Variants in FBLN7 observed in about 807,000 individuals in gnomAD.
FBLN7 encodes fibulin-7.
FBLN7 carries 31 observed loss-of-function variants against 44.0 expected under a neutral mutation model. The ratio of observed to expected loss-of-function variants is 0.70; its 90% CI spans 0.53 to 0.95. The LOEUF (loss-of-function observed/expected upper bound fraction) is 0.95, where lower values mean the gene tolerates loss of function less well. FBLN7 is among the 40% of genes least tolerant of loss of function. FBLN7 has a pLI of 0.00. For synonymous variants in FBLN7, 262 were observed against 253.4 expected, an observed-to-expected ratio of 1.03 and a Z score of -0.32; for missense variants, 573 against 618.5, an observed-to-expected ratio of 0.93 and a Z score of 0.78.
At chr2:112,242,786 C>G in the FBLN7 span, among the ~76,000 whole-genome samples, 1 of 152,174 alleles carries the variant, frequency 6.6e-6, no homozygotes, top group Non-Finnish European at 1.5e-5. Flanking sequence ...CAGCTCTCTT[C>G]TGATTAAAAT....
chr2:112,149,465 G>A (rs1240183555), intron 1 of FBLN7, among the ~76,000 whole-genome samples: 1 of 152,136 alleles, frequency 6.6e-6, no homozygotes, highest in Admixed American at 6.5e-5. Flanking sequence ...TTCCCTTTGG[G>A]TACCAGCCCT....
the FBLN7 span, among the ~76,000 whole-genome samples, chr2:112,241,009 T>TG: frequency 6.9e-6 from 1 of 145,468 alleles, no homozygotes; most frequent in Non-Finnish European, 1.5e-5. Flanking sequence ...GTGTTGTGTT[T>TG]TGTGTGTGTG....
the FBLN7 span, among the ~76,000 whole-genome samples, chr2:112,194,723 G>A: frequency 5.3e-5 from 8 of 152,204 alleles, no homozygotes; most frequent in Admixed American, 1.3e-4. Flanking sequence ...TCCTGTTTGG[G>A]TTTCCAGTGC....
chr2:112,231,226 C>T, the FBLN7 span, among the ~76,000 whole-genome samples: 1 of 152,110 alleles, frequency 6.6e-6, no homozygotes, highest in Non-Finnish European at 1.5e-5. Flanking sequence ...TAAACAAGCA[C>T]CTTTGACTTT....
At chr2:112,170,047 C>T (rs973026478) in intron 3 of FBLN7, among the ~76,000 whole-genome samples, 1 of 152,072 alleles carries the variant, frequency 6.6e-6, no homozygotes, top group Non-Finnish European at 1.5e-5. Flanking sequence ...TCGAGACTAG[C>T]CTGGCCAACA....
chr2:112,195,968 C>A, the FBLN7 span, among the ~76,000 whole-genome samples: 1 of 152,296 alleles, frequency 6.6e-6, no homozygotes, highest in Non-Finnish European at 1.5e-5. Flanking sequence ...GTCACTGAGA[C>A]CAGTGGTGGC....
At chr2:112,229,141 T>C in the FBLN7 span, among the ~76,000 whole-genome samples, 1 of 152,146 alleles carries the variant, frequency 6.6e-6, no homozygotes. Context: ...AGATCTTCAC[T>C]TGATGGAAAC....
At chr2:112,171,360 G>A (rs751293456) in intron 3 of FBLN7, among the ~76,000 whole-genome samples, 32 of 152,072 alleles carry the variant, frequency 2.1e-4, no homozygotes, top group African/African-American at 4.6e-4. Context: ...AGGAGGGGCC[G>A]GGAGAGGCAG....
chr2:112,160,652 GCACACGCGCA>G (rs1558879461), intron 2 of FBLN7, among the ~76,000 whole-genome samples: 7 of 5,410 alleles, frequency 1.3e-3, no homozygotes, highest in African/African-American at 4.7e-3. Context: ...ACACGCGCAC[GCACACGCGCA>G]CGCACACGCA....
At chr2:112,234,996 A>C in the FBLN7 span, among the ~76,000 whole-genome samples, 3 of 152,158 alleles carry the variant, frequency 2.0e-5, no homozygotes, top group African/African-American at 4.8e-5. Flanking sequence ...TAACACACGC[A>C]ACTAGAAATA....
At chr2:112,190,620 GTCTT>G (rs1275202256), downstream of FBLN7, 1 of 152,182 alleles carries the variant, frequency 6.6e-6, no homozygotes, top group African/African-American at 2.4e-5. Flanking sequence ...TACAGCTACT[GTCTT>G]TGTTTTTGCT....
At chr2:112,158,870 C>T (rs928431965) in intron 1 of FBLN7, among the ~76,000 whole-genome samples, 11 of 152,170 alleles carry the variant, frequency 7.2e-5, no homozygotes, top group Non-Finnish European at 1.6e-4. Context: ...CCACCGTACC[C>T]GGCCAGGAAA....
At chr2:112,189,738 G>A (rs962598196), downstream of FBLN7, 5 of 152,078 alleles carry the variant, frequency 3.3e-5, no homozygotes, top group Admixed American at 2.6e-4. Flanking sequence ...ATGAACACAT[G>A]GCCAACTTGT....
intron 2 of FBLN7, 92 bp from the exon 3 acceptor site, chr2:112,164,909 G>A (rs1298225895): frequency 2.2e-6 from 3 of 1,387,278 alleles, no homozygotes; most frequent in Non-Finnish European, 3.0e-6. Context: ...GCAACAGAGG[G>A]CACTTCGAGA....
chr2:112,178,221 C>T (rs1250622248), intron 4 of FBLN7, among the ~76,000 whole-genome samples: 3 of 113,110 alleles, frequency 2.7e-5, no homozygotes, highest in African/African-American at 9.7e-5. Context: ...TGGCAAAAAC[C>T]AAAAATGTGA....
chr2:112,156,407 G>T (rs1558875587), intron 1 of FBLN7, among the ~76,000 whole-genome samples: 1 of 152,216 alleles, frequency 6.6e-6, no homozygotes, highest in Non-Finnish European at 1.5e-5. Flanking sequence ...TCTCCACGGG[G>T]TTGCTGCCGG....
Position 112,187,290 on chromosome 2 carries a change from C to G in FBLN7, c.1104C>G (p.Pro368=). 2 of 1,614,170 alleles carry G rather than the reference C, an allele frequency of 1.2e-6. No homozygotes were observed. Among genetic ancestry groups the G allele is most frequent in the East Asian group, 4.5e-5 (2 of 44,888 alleles). The change falls in exon 8 of 8, where the codon CCC becomes CCG. Residue 368 remains proline (P), a synonymous_variant. Coordinates refer to ENST00000331203, the MANE Select transcript of FBLN7 (RefSeq NM_153214.3). The surrounding 1 kb of genome is among the most constrained non-coding windows in gnomAD (Gnocchi z 5.1). ...ATASAPGRAG[P]NSLRFGIVGG... ...CCTCTGCCCCCGGCCGAGCTGGGCC[C>G]AACAGCCTGCGGTTTGGGATCGTGG...
chr2:112,239,231 A>C, the FBLN7 span, among the ~76,000 whole-genome samples: 2 of 152,252 alleles, frequency 1.3e-5, no homozygotes, highest in East Asian at 3.8e-4. Flanking sequence ...GACTTAAAGC[A>C]ATTTCTGCAT....
At chr2:112,238,399 G>A in the FBLN7 span, 2 of 1,613,688 alleles carry the variant, frequency 1.2e-6, no homozygotes, top group South Asian at 1.1e-5. Context: ...TGTATGTACT[G>A]TTGAAGCTCT....
Sources: allele counts gnomAD v4.1 joint callset (sites outside exome capture counted in the v4.1 genomes callset), GRCh38; gene constraint gnomAD v4.1.1; non-coding constraint Gnocchi (gnomAD v3.1); transcripts MANE v1.5; gene names NCBI Gene and HGNC (gene_info 2026-07-23, HGNC 2026-07-21).